The following PDLIM5 variants were observed in gnomAD, a reference collection of about 807,000 sequenced individuals.
The protein encoded by PDLIM5 is PDZ and LIM domain 5, also known as PDZ and LIM domain protein 5.
PDLIM5 carries 34 observed loss-of-function variants against 64.2 expected under a neutral mutation model. The observed-to-expected ratio is 0.53, with a 90% confidence interval of 0.40 to 0.71. PDLIM5 has a LOEUF of 0.71. PDLIM5 is among the 30% of genes least tolerant of loss of function. The pLI, the probability that PDLIM5 is intolerant of heterozygous loss-of-function variation, is 0.00. For synonymous variants in PDLIM5, 253 were observed against 269.1 expected (o/e 0.94, Z 0.59); for missense variants, 683 against 733.6 (o/e 0.93, Z 0.80).
intron 3 of PDLIM5, among the ~76,000 whole-genome samples, chr4:94,537,240 G>T (rs1457538925): frequency 6.6e-6 from 1 of 152,094 alleles, no homozygotes; most frequent in Non-Finnish European, 1.5e-5. Flanking sequence ...CTCTCTTACA[G>T]TCAAGTCTGC....
At chr4:94,587,943 C>G in intron 7 of PDLIM5, 2 of 977,918 alleles carry the variant, frequency 2.0e-6, no homozygotes, top group Non-Finnish European at 2.4e-6. Flanking sequence ...TACTTAGTGA[C>G]GTAAACTACT....
intron 7 of PDLIM5, among the ~76,000 whole-genome samples, chr4:94,589,935 A>C (rs1736551934): frequency 6.6e-6 from 1 of 150,860 alleles, no homozygotes; most frequent in Non-Finnish European, 1.5e-5. Flanking sequence ...CCACCTGCCC[A>C]GCTAATTTTT....
chr4:94,592,777 C>G (rs989603438), intron 7 of PDLIM5, among the ~76,000 whole-genome samples: 1 of 152,146 alleles, frequency 6.6e-6, no homozygotes, highest in African/African-American at 2.4e-5. Flanking sequence ...CAGGCACACA[C>G]CACCACACCT....
At chr4:94,630,914 T>A (rs1240833705) in intron 8 of PDLIM5, among the ~76,000 whole-genome samples, 1 of 152,154 alleles carries the variant, frequency 6.6e-6, no homozygotes, top group Admixed American at 6.5e-5. Context: ...TTAGCAAAAG[T>A]ATTAGATCTA....
chr4:94,602,801 A>G (rs975790524), intron 7 of PDLIM5, among the ~76,000 whole-genome samples: 7 of 152,190 alleles, frequency 4.6e-5, no homozygotes, highest in Admixed American at 1.3e-4. Flanking sequence ...AAGTTATTCT[A>G]ACCATGGGTG....
chr4:94,585,280 C>T (rs1424193173), intron 5 of PDLIM5, among the ~76,000 whole-genome samples: 5 of 151,904 alleles, frequency 3.3e-5, no homozygotes, highest in Non-Finnish European at 7.4e-5. Flanking sequence ...TTAGCAGAGA[C>T]GGAGTTTCAC....
At chr4:94,593,179 C>T (rs375686915) in intron 7 of PDLIM5, among the ~76,000 whole-genome samples, 4 of 152,142 alleles carry the variant, frequency 2.6e-5, no homozygotes, top group East Asian at 1.9e-4. Context: ...TAGTAGTCAT[C>T]GTATTTCTTC....
At chr4:94,601,533 A>T (rs1296938786) in intron 7 of PDLIM5, among the ~76,000 whole-genome samples, 1 of 152,184 alleles carries the variant, frequency 6.6e-6, no homozygotes, top group Non-Finnish European at 1.5e-5. Flanking sequence ...AAGCTCCTAG[A>T]AAAATGATTT....
chr4:94,665,548 G>A lies in PDLIM5; in HGVS notation c.*1481G>A. ...ATAGAAAAGAATGTGGCTGGGAATT[G>A]TGAATCAGAAGATTATACCCCCCAA... On this transcript the variant is annotated 3_prime_UTR_variant, in exon 13 of 13. Coordinates refer to ENST00000317968, the MANE Select transcript of PDLIM5 (RefSeq NM_006457.5). 4 of 865,142 alleles carry A rather than the reference G, an allele frequency of 4.6e-6. No homozygotes were observed. The highest frequency in any genetic ancestry group is 5.5e-6 in the Non-Finnish European group (4 of 729,812). 53.6% of individuals were successfully genotyped at this position (865,142 alleles called of 1,614,324 possible).
intron 7 of PDLIM5, among the ~76,000 whole-genome samples, chr4:94,598,536 C>T (rs947187747): frequency 1.1e-4 from 17 of 152,020 alleles, no homozygotes; most frequent in Non-Finnish European, 1.5e-5. Flanking sequence ...AAACATTCTC[C>T]TTTAGTCTCA....
chr4:94,644,907 AT>A (rs1216379936), intron 9 of PDLIM5, among the ~76,000 whole-genome samples: 2 of 126,258 alleles, frequency 1.6e-5, no homozygotes, highest in South Asian at 3.8e-4. Flanking sequence ...GATTGATATT[AT>A]TCTTTTTTTT....
intron 3 of PDLIM5, among the ~76,000 whole-genome samples, chr4:94,531,981 T>G (rs1332691062): frequency 1.3e-5 from 2 of 152,006 alleles, no homozygotes. Flanking sequence ...GATAGAAACA[T>G]TCGTTTGGAT....
In PDLIM5 at chr4:94,576,025, A is replaced by G; in HGVS notation, c.701A>G (p.Gln234Arg). ...AGAGGATCCCAGGGTGACAGTAAAC[A>G]GCAAAATGGGTAGGTGGCTAAGGTG... is the stretch of plus-strand genomic sequence containing the variant. ...QRRGSQGDSKQQNGPPRKHIV... is the reference protein window; with the variant it reads ...QRRGSQGDSKRQNGPPRKHIV... Residue 234 changes from glutamine to arginine, a missense_variant, in exon 5 of 13, where the codon CAG (glutamine) becomes CGG (arginine). By Grantham distance (43) the Gln-to-Arg change is conservative. Coordinates refer to ENST00000317968, the MANE Select transcript of PDLIM5 (RefSeq NM_006457.5). 1 of 1,612,946 alleles carries G rather than the reference A, an allele frequency of 6.2e-7. No individual in the cohort carries two copies. Among genetic ancestry groups the G allele is most frequent in the Non-Finnish European group, 8.5e-7 (1 of 1,179,092 alleles).
rs1359920979 is a variant in PDLIM5 at position 94,665,483 on chromosome 4, A to T, written c.*1416A>T. ...TGACAGAGCAAGACTCCGGCTCTTA[A>T]AAAAAAAAAAAAAAAAAAAAAAAGA... On this transcript the variant is annotated 3_prime_UTR_variant, in exon 13 of 13. Transcript: ENST00000317968. 4.8e-5 allele frequency: 1 copy of T among 20,762 alleles called. No homozygotes were observed. Among genetic ancestry groups the T allele is most frequent in the Non-Finnish European group, 7.0e-5 (1 of 14,356 alleles). 1.3% of individuals were successfully genotyped at this position (20,762 alleles called of 1,614,324 possible).
Position 94,504,558 on chromosome 4 carries a change from T to G in PDLIM5, c.97-19166T>G, listed in dbSNP as rs550052938. Among the ~76,000 whole-genome samples the G allele has an allele frequency of 5.3e-5, 8 of 152,322 alleles. No individual in the cohort carries two copies. In the South Asian group the frequency reaches 1.5e-3, roughly 28 times the overall value. On this transcript the variant is annotated intron_variant, in intron 2 of 12. Transcript: ENST00000317968. ...TCTTGGCCTCCCAAAGTGCTGGGAT[T>G]ACAGGTGTGAGCCGCCGTGCCTGGC...
At chr4:94,548,137 A>G (rs1315728201) in intron 3 of PDLIM5, among the ~76,000 whole-genome samples, 1 of 151,984 alleles carries the variant, frequency 6.6e-6, no homozygotes, top group African/African-American at 2.4e-5. Context: ...GTTCTTTCAC[A>G]CTTTTTTGTG....
chr4:94,553,442 C>G (rs115326579), intron 3 of PDLIM5, among the ~76,000 whole-genome samples: 1,743 of 152,276 alleles, frequency 0.011, 28 homozygotes, highest in African/African-American at 0.035. Flanking sequence ...CGTCTGACTT[C>G]CTTTTGCGAT....
intron 2 of PDLIM5, chr4:94,456,635 C>A: frequency 1.2e-6 from 1 of 836,586 alleles, no homozygotes; most frequent in Non-Finnish European, 1.9e-6. Flanking sequence ...TTTAACCAAT[C>A]CCCTACTGAA....
intron 9 of PDLIM5, among the ~76,000 whole-genome samples, chr4:94,654,078 C>T (rs567976780): frequency 1.3e-4 from 20 of 152,228 alleles, no homozygotes; most frequent in Admixed American, 1.3e-3. Context: ...CTCATCTCTG[C>T]CTAAACCATA....
Sources: allele counts gnomAD v4.1 joint callset (sites outside exome capture counted in the v4.1 genomes callset), GRCh38; gene constraint gnomAD v4.1.1; transcripts MANE v1.5; gene names NCBI Gene and HGNC (gene_info 2026-07-23, HGNC 2026-07-21).